PIEZO2: variants seen among roughly 807,000 people sequenced by gnomAD.
PIEZO2 encodes piezo-type mechanosensitive ion channel component 2.
PIEZO2 carries 172 observed loss-of-function variants against 337.3 expected under a neutral mutation model. The observed-to-expected ratio is 0.51, with a 90% CI of 0.45 to 0.58. The LOEUF (loss-of-function observed/expected upper bound fraction) is 0.58, where lower values mean the gene tolerates loss of function less well. Ranked by LOEUF, PIEZO2 falls within the 20% of genes least tolerant of loss-of-function variation. PIEZO2 has a pLI of 0.00. For synonymous variants in PIEZO2, 1,251 were observed against 1,228.5 expected (o/e 1.02, Z -0.38); for missense variants, 3,028 against 3,391.3 (o/e 0.89, Z 2.66).
intron 1 of PIEZO2, among the ~76,000 whole-genome samples, chr18:11,084,741 T>C (rs928991811): frequency 6.6e-6 from 1 of 152,194 alleles, no homozygotes; most frequent in Non-Finnish European, 1.5e-5. Flanking sequence ...ACATTAGAAC[T>C]TCTCAGTTGT....
At chr18:10,832,353 G>T (rs2040869757) in intron 7 of PIEZO2, among the ~76,000 whole-genome samples, 1 of 152,132 alleles carries the variant, frequency 6.6e-6, no homozygotes, top group Admixed American at 6.5e-5. Context: ...GAAAGTAAGG[G>T]CTACCACATG....
At chr18:11,103,950 C>T (rs138664074) in intron 1 of PIEZO2, among the ~76,000 whole-genome samples, 12 of 152,066 alleles carry the variant, frequency 7.9e-5, no homozygotes, top group Admixed American at 5.2e-4. Flanking sequence ...CTCAGCCTCC[C>T]GAGTAGCTGG....
At chr18:10,858,775 G>A (rs1007100958) in intron 5 of PIEZO2, among the ~76,000 whole-genome samples, 1 of 152,054 alleles carries the variant, frequency 6.6e-6, no homozygotes, top group African/African-American at 2.4e-5. Context: ...GACTATTGAT[G>A]AGCCAAGGCT....
rs182768281 is a variant in PIEZO2, at chr18:10,913,732, T to C, written c.287-2504A>G. Reference sequence around the variant, plus strand: ...GGCAGGACAAGTCAAAAGGTTTCGATGCAAGACACTCAGTACTCCTGAGAA... The same window carrying C: ...GGCAGGACAAGTCAAAAGGTTTCGACGCAAGACACTCAGTACTCCTGAGAA... On this transcript the variant is annotated intron_variant, in intron 3 of 55. Transcript: ENST00000674853. Among the ~76,000 whole-genome samples, 1,003 of 152,190 alleles carry C rather than the reference T, an allele frequency of 6.6e-3. 15 individuals are homozygous for C. The highest frequency in any genetic ancestry group is 0.023 in the African/African-American group (951 of 41,534).
chr18:10,921,829 C>A (rs923619319), intron 3 of PIEZO2, among the ~76,000 whole-genome samples: 32 of 152,160 alleles, frequency 2.1e-4, no homozygotes, highest in African/African-American at 7.7e-4. Context: ...GGTCTCTGAA[C>A]TGGCCCCCTT....
At chr18:10,858,309 G>A (rs1485325405) in intron 5 of PIEZO2, among the ~76,000 whole-genome samples, 8 of 110,386 alleles carry the variant, frequency 7.2e-5, no homozygotes, top group Admixed American at 1.3e-4. Context: ...GCGACAGAGC[G>A]AGACTTCAAC....
At chr18:10,860,669 A>G (rs1023940253) in intron 5 of PIEZO2, among the ~76,000 whole-genome samples, 3 of 152,248 alleles carry the variant, frequency 2.0e-5, no homozygotes, top group African/African-American at 7.2e-5. Flanking sequence ...AAAAGAAGCC[A>G]AAGAAAGAAC....
Position 10,986,877 on chromosome 18 carries a change from C to T in PIEZO2, c.161-7217G>A, listed in dbSNP as rs567235353. Among the ~76,000 whole-genome samples the T allele has an allele frequency of 1.1e-4, 17 of 151,940 alleles. No individual in the cohort carries two copies. In the East Asian group the frequency reaches 1.2e-3, roughly 10 times the overall value. ...ATAAACTCAGTAAAACAGCAATTAA[C>T]GAAATCAATGTATAAAAATCAACTG... On this transcript the variant is annotated intron_variant, in intron 2 of 55. Coordinates refer to ENST00000674853, the MANE Select transcript of PIEZO2 (RefSeq NM_001378183.1).
chr18:10,787,144 C>CA lies in PIEZO2; in HGVS notation c.2209dup (p.Trp737LeufsTer21), dbSNP rs1322400153. Reference sequence around the variant, plus strand: ...CATAGTGTAAATAACCACTGACATCCAAAAATATTTTAGAATTTTCCTCCA... The same window carrying CA: ...CATAGTGTAAATAACCACTGACATCCAAAAAATATTTTAGAATTTTCCTCCA... On this transcript the variant is annotated frameshift_variant, in exon 16 of 56. Coordinates refer to ENST00000674853, the MANE Select transcript of PIEZO2 (RefSeq NM_001378183.1). LOFTEE classifies it high-confidence loss of function. 6.5e-7 allele frequency: 1 copy of CA among 1,531,370 alleles called. No individual in the cohort carries two copies. The highest frequency in any genetic ancestry group is 8.7e-7 in the Non-Finnish European group (1 of 1,144,896). The allele number at this position is 1,531,370 out of a possible 1,614,324, so 94.9% of individuals were successfully genotyped here.
chr18:10,717,588 C>T (rs2036065885), intron 37 of PIEZO2, among the ~76,000 whole-genome samples: 1 of 149,428 alleles, frequency 6.7e-6, no homozygotes, highest in African/African-American at 2.6e-5. Flanking sequence ...GAGGCTTTGG[C>T]CTTTTTTTCT....
intron 3 of PIEZO2, among the ~76,000 whole-genome samples, chr18:10,913,769 C>T (rs2145089052): frequency 6.6e-6 from 1 of 152,114 alleles, no homozygotes; most frequent in African/African-American, 2.4e-5. Flanking sequence ...AAACATTAGG[C>T]CACTCAACCA....
intron 2 of PIEZO2, among the ~76,000 whole-genome samples, chr18:11,007,732 G>A (rs1869772064): frequency 6.6e-6 from 1 of 152,170 alleles, no homozygotes; most frequent in African/African-American, 2.4e-5. Flanking sequence ...ATGCTGAACT[G>A]AGGGGGGTGG....
intron 1 of PIEZO2, among the ~76,000 whole-genome samples, chr18:11,136,695 G>T (rs2040498627): frequency 1.3e-5 from 2 of 152,228 alleles, no homozygotes; most frequent in Admixed American, 1.3e-4. Flanking sequence ...CACCCCCACA[G>T]CTAATGCTGG....
intron 3 of PIEZO2, among the ~76,000 whole-genome samples, chr18:10,963,803 T>C (rs2145395959): frequency 6.6e-6 from 1 of 152,352 alleles, no homozygotes; most frequent in South Asian, 2.1e-4. Context: ...ATTTAGGCTG[T>C]TATCTGCATT....
rs772254510 is a variant in PIEZO2 at position 10,691,287 on chromosome 18, C to T, written c.7287G>A (p.Thr2429=). Residue 2429 remains threonine (T), a synonymous_variant, in exon 48 of 56, where the codon ACG becomes ACA. Coordinates refer to ENST00000674853, the MANE Select transcript of PIEZO2 (RefSeq NM_001378183.1). ...TGGTGAGGAAGTTCCCCAGGACTCGCGTTGGGTAGCCACAACGGATCTGGT... is the reference window on the plus strand; with the variant it reads ...TGGTGAGGAAGTTCCCCAGGACTCGTGTTGGGTAGCCACAACGGATCTGGT... ...SAYQIRCGYP[T]RVLGNFLTKS... is the part of the protein sequence containing the mutation. The T allele has an allele frequency of 1.2e-6, 2 of 1,614,046 alleles. No individual in the cohort carries two copies. Among genetic ancestry groups the T allele is most frequent in the Non-Finnish European group, 1.7e-6 (2 of 1,179,994 alleles).
Position 11,078,761 on chromosome 18 carries a change from G to A in PIEZO2, c.65-12539C>T, listed in dbSNP as rs2038638113. On this transcript the variant is annotated intron_variant, in intron 1 of 55. Coordinates refer to ENST00000674853, the MANE Select transcript of PIEZO2 (RefSeq NM_001378183.1). The surrounding 1 kb of genome is among the most constrained non-coding windows in gnomAD (Gnocchi z 5.3). ...CCAAATAGCAATGAATTGGATGAAT[G>A]CCTCAAAATGAACCTCTTTTGCCAG... is the stretch of plus-strand genomic sequence containing the variant. Among the ~76,000 whole-genome samples, 1 of 152,148 alleles carries A rather than the reference G, an allele frequency of 6.6e-6. No individual in the cohort carries two copies.
chr18:10,897,774 C>A (rs1445263801), intron 4 of PIEZO2, among the ~76,000 whole-genome samples: 1 of 152,174 alleles, frequency 6.6e-6, no homozygotes, highest in Non-Finnish European at 1.5e-5. Flanking sequence ...AATCTGTAAC[C>A]AACAAACTGT....
rs2041530011 is a variant in PIEZO2 at position 10,850,963 on chromosome 18, C to T, written c.917+4390G>A. Among the ~76,000 whole-genome samples the T allele has an allele frequency of 6.6e-6, 1 of 151,990 alleles. No individual in the cohort carries two copies. ...TCTCACCAGAGAGCACATTTGAAAG[C>T]TTTTTTACCAGAAGATAAAAATTGC... On this transcript the variant is annotated intron_variant, in intron 7 of 55. Transcript: ENST00000674853. This position sits in a 1 kb window ranked among gnomAD's most constrained non-coding sequence, Gnocchi z 4.5.
chr18:11,111,478 C>G lies in PIEZO2; in HGVS notation c.64+37047G>C, dbSNP rs1052653951. ...TCACGTGGCACGTGGCAACAATAGG[C>G]TGCCCCTTCTGGAGAAGCATGCACC... On this transcript the variant is annotated intron_variant, in intron 1 of 55. Transcript: ENST00000674853. The surrounding 1 kb of genome is among the most constrained non-coding windows in gnomAD (Gnocchi z 6.2). Among the ~76,000 whole-genome samples, 1 of 152,246 alleles carries G rather than the reference C, an allele frequency of 6.6e-6. No individual in the cohort carries two copies. Among genetic ancestry groups the G allele is most frequent in the Non-Finnish European group, 1.5e-5 (1 of 68,046 alleles).
Sources: gnomAD v4.1 joint callset for allele counts (sites outside exome capture counted in the v4.1 genomes callset) on GRCh38, gnomAD v4.1.1 for gene constraint, Gnocchi (gnomAD v3.1) non-coding constraint, MANE v1.5 for transcripts, NCBI Gene and HGNC (gene_info 2026-07-23, HGNC 2026-07-21) for gene names.